The following PRRC1 variants were observed in gnomAD, a reference collection of about 807,000 sequenced individuals.
PRRC1 encodes protein PRRC1.
In PRRC1, 39 loss-of-function variants were observed where a neutral mutation model predicts 40.7. That is an observed-to-expected ratio of 0.96 (90% CI 0.74 to 1.25). PRRC1 has a LOEUF of 1.25. Ranked by LOEUF, PRRC1 falls within the 50% of genes most tolerant of loss-of-function variation. The pLI is 0.00. For synonymous variants in PRRC1, 175 were observed against 193.3 expected, an observed-to-expected ratio of 0.91 and a Z score of 0.79; for missense variants, 573 against 548.3, an observed-to-expected ratio of 1.05 and a Z score of -0.45.
At chr5:127,518,838 C>G (rs1767385158) in intron 1 of PRRC1, among the ~76,000 whole-genome samples, 1 of 150,646 alleles carries the variant, frequency 6.6e-6, no homozygotes, top group Admixed American at 6.6e-5. Context: ...TTCACTTTTT[C>G]TTTAGTGTTG....
At position 127,524,829 on chromosome 5, in the gene PRRC1, TGTTG is replaced by T; in HGVS notation, c.406_409del (p.Gly136GlnfsTer18). On this transcript the variant is annotated frameshift_variant, in exon 3 of 9. Coordinates refer to ENST00000296666, the MANE Select transcript of PRRC1 (RefSeq NM_130809.5). LOFTEE classifies it high-confidence loss of function. ...CGGGTCCTCCTATATCAGGATTTTC[TGTTG>T]GTTCAACTTATGACATTACAAGGGG... The T allele has an allele frequency of 6.2e-7, 1 of 1,614,256 alleles. No individual in the cohort carries two copies. Among genetic ancestry groups the T allele is most frequent in the Non-Finnish European group, 8.5e-7 (1 of 1,180,046 alleles).
chr5:127,530,675 A>G (rs945261348), intron 5 of PRRC1, among the ~76,000 whole-genome samples: 2 of 152,078 alleles, frequency 1.3e-5, no homozygotes, highest in Non-Finnish European at 2.9e-5. Context: ...AATTTTAAAT[A>G]TAGGTTAGCA....
Position 127,530,356 on chromosome 5 carries a change from C to CA in PRRC1, c.718dup (p.Met240AsnfsTer18), listed in dbSNP as rs778147327. The CA allele has an allele frequency of 7.4e-6, 12 of 1,613,830 alleles. No individual in the cohort carries two copies. The highest frequency in any genetic ancestry group is 1.0e-5 in the Non-Finnish European group (12 of 1,179,888). On this transcript the variant is annotated frameshift_variant, in exon 5 of 9. Coordinates refer to ENST00000296666, the MANE Select transcript of PRRC1 (RefSeq NM_130809.5). LOFTEE classifies it high-confidence loss of function. Reference sequence around the variant, plus strand: ...ATAAGACAAAACATTCAGTAGAAAGCATGATTACAACGCTGGACCCTGGCA... The same window carrying CA: ...ATAAGACAAAACATTCAGTAGAAAGCAATGATTACAACGCTGGACCCTGGCA...
chr5:127,519,123 A>C (rs924161386), intron 1 of PRRC1, among the ~76,000 whole-genome samples: 2 of 152,230 alleles, frequency 1.3e-5, no homozygotes, highest in African/African-American at 4.8e-5. Context: ...CTCTTACAAT[A>C]GGACTTCTAC....
intron 1 of PRRC1, among the ~76,000 whole-genome samples, chr5:127,521,089 A>G (rs534649183): frequency 1.3e-5 from 2 of 152,224 alleles, no homozygotes; most frequent in Admixed American, 6.5e-5. Flanking sequence ...GTTAAGTACA[A>G]TGAGTTCTGA....
rs143578156 is a variant in PRRC1 at position 127,524,800 on chromosome 5, C to A, written c.373C>A (p.Pro125Thr). The stretch of plus-strand genomic sequence containing the variant: ...CCCAAACACTCTTTTACCTGCACCC[C>A]CTTCGGGTCCTCCTATATCAGGATT... ...SAPNTLLPAPPSGPPISGFSV... is the reference protein window; with the variant it reads ...SAPNTLLPAPTSGPPISGFSV... Residue 125 changes from proline to threonine, a missense_variant, in exon 3 of 9, where the codon CCT becomes ACT. Coordinates refer to ENST00000296666, the MANE Select transcript of PRRC1 (RefSeq NM_130809.5). 1.3e-5 allele frequency: 21 copies of A among 1,614,096 alleles called. No homozygotes were observed. The African/African-American group carries it at 1.7e-4, about 13-fold the overall frequency.
chr5:127,541,867 C>T (rs1241938620), intron 7 of PRRC1, among the ~76,000 whole-genome samples: 24 of 151,620 alleles, frequency 1.6e-4, no homozygotes, highest in Admixed American at 6.6e-5. Flanking sequence ...TTTTGTGTCT[C>T]TATTTCCTTC....
rs199734435 is a variant in PRRC1, at chr5:127,520,950, AT to A, written c.-20-2500del. 4.5e-3 allele frequency among the ~76,000 whole-genome samples: 679 copies of A among 149,856 alleles called. 1 individual carries two copies. The highest frequency in any genetic ancestry group is 0.015 in the African/African-American group (624 of 40,956). On this transcript the variant is annotated intron_variant, in intron 1 of 8. Transcript: ENST00000296666. ...TACTCAAGAACTCTGCTGTTTCTAC[AT>A]TTTTTTTTTGAACCTAAAATTCCTT...
chr5:127,538,938 G>T, intron 6 of PRRC1, 102 bp from the exon 7 acceptor site: 1 of 740,328 alleles, frequency 1.4e-6, no homozygotes, highest in Non-Finnish European at 2.2e-6. Flanking sequence ...GTATATATAT[G>T]TGTTTGCATA....
At chr5:127,523,628 G>A (rs1313909678) in intron 2 of PRRC1, 46 bp downstream of exon 2, 1 of 1,154,210 alleles carries the variant, frequency 8.7e-7, no homozygotes, top group Admixed American at 2.4e-5. Context: ...GAATAGTGAA[G>A]ATACTATCAT....
intron 7 of PRRC1, among the ~76,000 whole-genome samples, chr5:127,546,619 A>G (rs898459800): frequency 2.0e-5 from 3 of 152,190 alleles, no homozygotes; most frequent in Admixed American, 1.3e-4. Flanking sequence ...AGTCAAGTCT[A>G]GGTCGGTGTT....
At chr5:127,538,040 G>C (rs1056926499) in intron 6 of PRRC1, among the ~76,000 whole-genome samples, 2 of 151,902 alleles carry the variant, frequency 1.3e-5, no homozygotes, top group Non-Finnish European at 2.9e-5. Context: ...GTTAGGCACT[G>C]TGCTGGAAAC....
chr5:127,552,951 T>TCTA lies in PRRC1; in HGVS notation c.*1038_*1040dup. ...TTTATATTCAATCTAGTTTATTTAG[T>TCTA]CTACTGTATTTCTATTTCGTGGAAG... is the stretch of plus-strand genomic sequence containing the variant. On this transcript the variant is annotated 3_prime_UTR_variant, in exon 9 of 9. Coordinates refer to ENST00000296666, the MANE Select transcript of PRRC1 (RefSeq NM_130809.5). 2.3e-6 allele frequency: 2 copies of TCTA among 868,912 alleles called. No individual in the cohort carries two copies. Among genetic ancestry groups the TCTA allele is most frequent in the Non-Finnish European group, 2.8e-6 (2 of 724,696 alleles). The allele number at this position is 868,912 out of a possible 1,614,324, so 53.8% of individuals were successfully genotyped here.
At chr5:127,523,639 C>G in intron 2 of PRRC1, 57 bp downstream of exon 2, 1 of 1,035,434 alleles carries the variant, frequency 9.7e-7, no homozygotes. Context: ...ATACTATCAT[C>G]TTTTCTCAGA....
intron 1 of PRRC1, among the ~76,000 whole-genome samples, chr5:127,522,698 T>C (rs922277467): frequency 2.6e-5 from 4 of 152,130 alleles, no homozygotes; most frequent in African/African-American, 9.7e-5. Context: ...GCTTTATTTT[T>C]TTTTTATGTT....
chr5:127,533,580 ATTATT>A, intron 5 of PRRC1, 38 bp from the exon 6 acceptor site: 1 of 1,545,750 alleles, frequency 6.5e-7, no homozygotes, highest in South Asian at 1.2e-5. Flanking sequence ...TGAGAATTTC[ATTATT>A]TTAATTTGAA....
At position 127,526,619 on chromosome 5, in the gene PRRC1, T is replaced by A. The variant is rs944312236; in HGVS notation, c.495T>A (p.Gly165=). 4.4e-6 allele frequency: 7 copies of A among 1,603,092 alleles called. No individual in the cohort carries two copies. In the African/African-American group the frequency reaches 9.4e-5, roughly 22 times the overall value. The change falls in exon 4 of 9, where the codon GGT becomes GGA. Residue 165 remains glycine, a splice_region_variant and synonymous_variant. Transcript: ENST00000296666. The part of the protein sequence containing the change: ...MPSFSAPSGT[G]LLPTPITQQA... ...ATGAAAATTTTTGCCATTGATTAGGTCTTTTGCCAACTCCTATTACTCAGC... is the reference window on the plus strand; with the variant it reads ...ATGAAAATTTTTGCCATTGATTAGGACTTTTGCCAACTCCTATTACTCAGC...
chr5:127,538,537 TTTTTA>T (rs1231912108), intron 6 of PRRC1, among the ~76,000 whole-genome samples: 1 of 152,118 alleles, frequency 6.6e-6, no homozygotes, highest in Admixed American at 6.6e-5. Context: ...CATTTGCAGC[TTTTTA>T]TTTTAAGTAA....
chr5:127,551,144 A>G (rs954854273), intron 8 of PRRC1: 13 of 164,102 alleles, frequency 7.9e-5, no homozygotes, highest in African/African-American at 2.9e-4. Flanking sequence ...TCAAGCAATG[A>G]GTTTATTCTT....
Sources: gnomAD v4.1 joint callset for allele counts (sites outside exome capture counted in the v4.1 genomes callset) on GRCh38, gnomAD v4.1.1 for gene constraint, MANE v1.5 for transcripts, NCBI Gene and HGNC (gene_info 2026-07-23, HGNC 2026-07-21) for gene names.